The following CRISP1 variants were observed in gnomAD, a reference collection of about 807,000 sequenced individuals.
CRISP1 encodes the protein cysteine rich secretory protein 1, also known as cysteine-rich secretory protein 1.
In CRISP1, 44 loss-of-function variants were observed where a neutral mutation model predicts 33.1. That is an observed-to-expected ratio of 1.33 (90% CI 1.05 to 1.71). CRISP1 has a LOEUF of 1.71. CRISP1 is among the 40% of genes most tolerant of loss of function. The pLI, the probability that CRISP1 is intolerant of heterozygous loss-of-function variation, is 0.00. For synonymous variants in CRISP1, 103 were observed against 98.7 expected (o/e 1.04, Z -0.26); for missense variants, 390 against 301.2 (o/e 1.29, Z -2.18).
chr6:49,865,422 G>C (rs1179158265), intron 1 of CRISP1, among the ~76,000 whole-genome samples: 1 of 152,124 alleles, frequency 6.6e-6, no homozygotes, highest in African/African-American at 2.4e-5. Flanking sequence ...ATATTTGTAA[G>C]ACATAAATAC....
chr6:49,859,987 A>T (rs1582279400), intron 1 of CRISP1, among the ~76,000 whole-genome samples: 1 of 152,180 alleles, frequency 6.6e-6, no homozygotes, highest in Non-Finnish European at 1.5e-5. Context: ...GCTATAAGAT[A>T]AAACAGACTT....
chr6:49,876,832 G>C (rs969060021), intron 1 of CRISP1, among the ~76,000 whole-genome samples: 1 of 151,832 alleles, frequency 6.6e-6, no homozygotes, highest in African/African-American at 2.4e-5. Flanking sequence ...GTTGCTGAAT[G>C]ATGAGAATGC....
intron 1 of CRISP1, among the ~76,000 whole-genome samples, chr6:49,858,551 A>C (rs1328622396): frequency 6.6e-6 from 1 of 152,192 alleles, no homozygotes; most frequent in Non-Finnish European, 1.5e-5. Flanking sequence ...ATATGAGAAG[A>C]ACTCTCTAAA....
Position 49,840,994 on chromosome 6 carries a change from A to G in CRISP1, c.437T>C (p.Ile146Thr). ...DDITTDHYTQ[I>T]VWATSYLIGC... ...AATCAGGTAAGATGTGGCCCAAACA[A>G]TCTGCAATGATAAAGAGTTGTTTTA... is the stretch of plus-strand genomic sequence containing the variant. The change falls in exon 6 of 8, where the codon ATT becomes ACT. Residue 146 changes from isoleucine (I) to threonine (T), a missense_variant and splice_region_variant. Transcript: ENST00000335847. The G allele has an allele frequency of 6.2e-7, 1 of 1,612,450 alleles. No individual in the cohort carries two copies. The highest frequency in any genetic ancestry group is 1.1e-5 in the South Asian group (1 of 90,984).
At chr6:49,852,626 A>G (rs1439658716) in intron 2 of CRISP1, among the ~76,000 whole-genome samples, 1 of 152,182 alleles carries the variant, frequency 6.6e-6, no homozygotes, top group Non-Finnish European at 1.5e-5. Flanking sequence ...TGCAAGTGTT[A>G]TTAACACAAA....
intron 4 of CRISP1, among the ~76,000 whole-genome samples, chr6:49,847,311 T>C (rs1046524377): frequency 6.6e-6 from 1 of 152,188 alleles, no homozygotes; most frequent in African/African-American, 2.4e-5. Flanking sequence ...CCAAATCTCA[T>C]GTTGAGATGT....
chr6:49,857,454 T>C, intron 1 of CRISP1, 52 bp from the exon 2 acceptor site: 1 of 1,525,706 alleles, frequency 6.6e-7, no homozygotes. Flanking sequence ...TGGGATAACA[T>C]CTGGTAATAA....
At chr6:49,854,729 G>A (rs1771446610) in intron 2 of CRISP1, among the ~76,000 whole-genome samples, 2 of 152,018 alleles carry the variant, frequency 1.3e-5, no homozygotes, top group South Asian at 4.1e-4. Context: ...TCAATAATAT[G>A]TTCTCTATTC....
chr6:49,870,401 AC>A (rs534955212), upstream of CRISP1, among the ~76,000 whole-genome samples: 78 of 152,080 alleles, frequency 5.1e-4, 1 homozygote, highest in South Asian at 6.9e-3. Context: ...GTCACTCCTA[AC>A]CTGAATGGGT....
At position 49,857,564 on chromosome 6, in the gene CRISP1, A is replaced by G. The variant is rs9473676; in HGVS notation, c.-2-162T>C. 2.6e-3 allele frequency among the ~76,000 whole-genome samples: 403 copies of G among 152,294 alleles called. 1 individual carries two copies. Among genetic ancestry groups the G allele is most frequent in the African/African-American group, 8.5e-3 (352 of 41,574 alleles). On this transcript the variant is annotated intron_variant, in intron 1 of 7. Transcript: ENST00000335847. ...ATGTGTTAGTCATTGGGATCCAGAT[A>G]GAAAGGCAGGACTGTTGTTTGAAGA...
chr6:49,850,462 C>T (rs992919316), intron 3 of CRISP1, among the ~76,000 whole-genome samples: 1 of 151,944 alleles, frequency 6.6e-6, no homozygotes, highest in African/African-American at 2.4e-5. Context: ...TAACAAGTGA[C>T]TCTACTTAGG....
intron 1 of CRISP1, among the ~76,000 whole-genome samples, chr6:49,872,919 T>G (rs13201865): frequency 0.19 from 28,622 of 152,004 alleles, 3,449 homozygotes; most frequent in Non-Finnish European, 0.26. Context: ...TTAATGTAGT[T>G]TTTTCCAATT....
intron 1 of CRISP1, among the ~76,000 whole-genome samples, chr6:49,874,325 A>T (rs1561953487): frequency 6.6e-6 from 1 of 152,112 alleles, no homozygotes; most frequent in Non-Finnish European, 1.5e-5. Context: ...AGAAAAATAG[A>T]CCCAATTGAT....
Position 49,835,418 on chromosome 6 carries a change from TTC to T in CRISP1, c.646_647del (p.Glu216IlefsTer5), listed in dbSNP as rs769233495. On this transcript the variant is annotated frameshift_variant, in exon 8 of 8. Transcript: ENST00000335847. LOFTEE classifies it high-confidence loss of function. ...GGACTTGTATGTCACAGTCGAAGTATTCATCATAGTAGATGCAGGGGTTAGCT... is the reference window on the plus strand; with the variant it reads ...GGACTTGTATGTCACAGTCGAAGTATATCATAGTAGATGCAGGGGTTAGCT... ...LCTNPCIYYDEYFDCDIQVHY... is the reference protein window; with the variant it reads ...LCTNPCIYYDXYFDCDIQVHY... 3.7e-6 allele frequency: 6 copies of T among 1,613,802 alleles called. No homozygotes were observed. The South Asian group carries it at 6.6e-5, about 18-fold the overall frequency.
At position 49,834,954 on chromosome 6, in the gene CRISP1, T is replaced by G. The variant is rs1770735222; in HGVS notation, c.*362A>C. On this transcript the variant is annotated 3_prime_UTR_variant, in exon 8 of 8. Transcript: ENST00000335847. The stretch of plus-strand genomic sequence containing the variant: ...CTGGATGTTAGTTGTGCAGGGAAGA[T>G]AATCAGAGTGGTTGAAAATATGGGG... 1 of 162,550 alleles carries G rather than the reference T, an allele frequency of 6.2e-6. No homozygotes were observed. The highest frequency in any genetic ancestry group is 1.3e-5 in the Non-Finnish European group (1 of 77,062). 10.1% of individuals were successfully genotyped at this position (162,550 alleles called of 1,614,324 possible).
At position 49,834,743 on chromosome 6, in the gene CRISP1, C is replaced by G. The variant is rs903559259; in HGVS notation, c.*573G>C. ...TTTGTTAAATTAATGGCATACGAAG[C>G]TTTTTTATTGTTTCTTGCTTCACAA... is the stretch of plus-strand genomic sequence containing the variant. On this transcript the variant is annotated 3_prime_UTR_variant, in exon 8 of 8. Coordinates refer to ENST00000335847, the MANE Select transcript of CRISP1 (RefSeq NM_001131.3). 1 of 151,968 alleles carries G rather than the reference C, an allele frequency of 6.6e-6. No individual in the cohort carries two copies. The highest frequency in any genetic ancestry group is 1.5e-5 in the Non-Finnish European group (1 of 68,002). The allele number at this position is 151,968 out of a possible 1,614,324, so 9.4% of individuals were successfully genotyped here. A position where few individuals can be genotyped will look rare whatever the true frequency, so the allele number is the denominator to read the frequency against.
chr6:49,859,184 C>A (rs976430113), intron 1 of CRISP1, among the ~76,000 whole-genome samples: 3 of 151,962 alleles, frequency 2.0e-5, no homozygotes, highest in Non-Finnish European at 4.4e-5. Flanking sequence ...GGAGAGTTCA[C>A]GGTGGGTCCC....
chr6:49,873,507 C>T (rs946113594), intron 1 of CRISP1, among the ~76,000 whole-genome samples: 9 of 152,030 alleles, frequency 5.9e-5, no homozygotes, highest in African/African-American at 2.2e-4. Flanking sequence ...TCATGTTAGG[C>T]TATTTTTCCT....
intron 3 of CRISP1, among the ~76,000 whole-genome samples, chr6:49,851,412 A>G (rs1372673111): frequency 6.6e-6 from 1 of 152,188 alleles, no homozygotes; most frequent in Non-Finnish European, 1.5e-5. Flanking sequence ...AGAGCATAGC[A>G]GGTTTATAAT....
Sources: gnomAD v4.1 joint callset for allele counts (sites outside exome capture counted in the v4.1 genomes callset) on GRCh38, gnomAD v4.1.1 for gene constraint, MANE v1.5 for transcripts, NCBI Gene and HGNC (gene_info 2026-07-23, HGNC 2026-07-21) for gene names.